The following MORC1 variants were observed in gnomAD, a reference collection of about 807,000 sequenced individuals.
MORC1 encodes MORC family CW-type zinc finger 1, also known as MORC family CW-type zinc finger protein 1.
In MORC1, 59 loss-of-function variants were observed where a neutral mutation model predicts 134.9. The observed-to-expected ratio is 0.44, with a 90% CI of 0.35 to 0.54. The LOEUF is 0.54. Ranked by LOEUF, MORC1 falls within the 20% of genes least tolerant of loss-of-function variation. The pLI is 0.00. For synonymous variants in MORC1, 395 were observed against 391.7 expected, an observed-to-expected ratio of 1.01 and a Z score of -0.10; for missense variants, 947 against 1,134.5, an observed-to-expected ratio of 0.83 and a Z score of 2.37.
chr3:109,114,386 TGCATTGTCCA>T lies in MORC1; in HGVS notation c.107_116del (p.Leu36GlnfsTer34), dbSNP rs767623181. ...TGTTGTTTACAGATAAACCTTACCT[TGCATTGTCCA>T]GCAATTCAGCCAGTGCTCCAAAAAG... On this transcript the variant is annotated frameshift_variant, in exon 2 of 28. Transcript: ENST00000232603. LOFTEE classifies it high-confidence loss of function. 2 of 1,611,904 alleles carry T rather than the reference TGCATTGTCCA, an allele frequency of 1.2e-6. No homozygotes were observed. Among genetic ancestry groups the T allele is most frequent in the South Asian group, 2.2e-5 (2 of 90,906 alleles).
At chr3:109,007,123 G>A (rs1231740779) in intron 17 of MORC1, 32 bp from the exon 18 acceptor site, 2 of 1,569,866 alleles carry the variant, frequency 1.3e-6, no homozygotes, top group African/African-American at 1.4e-5. Flanking sequence ...TAAGGCAAAT[G>A]TAAGTAAAAA....
At chr3:109,073,814 A>G (rs1366092920) in intron 8 of MORC1, among the ~76,000 whole-genome samples, 1 of 152,194 alleles carries the variant, frequency 6.6e-6, no homozygotes, top group African/African-American at 2.4e-5. Context: ...GTGCATAAAG[A>G]TTTTTAACTA....
chr3:109,011,389 T>A (rs367575065), intron 17 of MORC1, among the ~76,000 whole-genome samples: 30 of 152,342 alleles, frequency 2.0e-4, no homozygotes, highest in African/African-American at 7.2e-4. Context: ...TAATTTGCAG[T>A]TCCCTTAATG....
rs1368514317 is a variant in MORC1 at position 109,110,796 on chromosome 3, C to T, written c.120-13G>A. The T allele has an allele frequency of 1.1e-5, 17 of 1,576,140 alleles. No individual in the cohort carries two copies. The highest frequency in any genetic ancestry group is 2.4e-5 in the South Asian group (2 of 84,620). ...AGCCCCTGCATCTCTGGAAACAATACAAAAATATTATTTCTTCAATATGAA... is the reference window on the plus strand; with the variant it reads ...AGCCCCTGCATCTCTGGAAACAATATAAAAATATTATTTCTTCAATATGAA... On this transcript the variant is annotated splice_polypyrimidine_tract_variant and intron_variant, in intron 2 of 27. Coordinates refer to ENST00000232603, the MANE Select transcript of MORC1 (RefSeq NM_014429.4).
intron 17 of MORC1, among the ~76,000 whole-genome samples, chr3:109,012,001 T>C (rs1452924635): frequency 6.6e-6 from 1 of 152,246 alleles, no homozygotes; most frequent in Non-Finnish European, 1.5e-5. Context: ...AGATCATGCA[T>C]TATGTGTCAT....
chr3:109,105,736 G>A (rs1386135657), intron 3 of MORC1, among the ~76,000 whole-genome samples: 1 of 150,814 alleles, frequency 6.6e-6, no homozygotes, highest in East Asian at 1.9e-4. Flanking sequence ...TAAGTTTCAA[G>A]ACAGCCCATG....
chr3:109,092,577 A>G (rs1192683409), intron 8 of MORC1, among the ~76,000 whole-genome samples: 2 of 152,322 alleles, frequency 1.3e-5, no homozygotes, highest in Admixed American at 1.3e-4. Flanking sequence ...TTAAAAAAAA[A>G]TACAAAATAT....
Position 109,027,851 on chromosome 3 carries a change from C to T in MORC1, c.1604G>A (p.Gly535Asp), listed in dbSNP as rs754111210. The T allele has an allele frequency of 3.7e-6, 6 of 1,613,570 alleles. No homozygotes were observed. The highest frequency in any genetic ancestry group is 1.7e-4 in the Middle Eastern group (1 of 6,056). Residue 535 changes from glycine to aspartate, a missense_variant, in exon 17 of 28, where the codon GGC becomes GAC. Coordinates refer to ENST00000232603, the MANE Select transcript of MORC1 (RefSeq NM_014429.4). ...TGATGGTGATATTGTGCTCATGGTG[C>T]CCAGTGGGATGGAAGGTAGACATTC... is the stretch of plus-strand genomic sequence containing the variant. Reference protein sequence around the residue: ...QVECLPSIPLGTMSTISPSKN... With the variant: ...QVECLPSIPLDTMSTISPSKN...
intron 9 of MORC1, among the ~76,000 whole-genome samples, chr3:109,069,323 C>T (rs4855577): frequency 0.48 from 72,434 of 152,062 alleles, 20,381 homozygotes; most frequent in East Asian, 0.9. Context: ...AGAAGATATA[C>T]GTGAACTGTG....
In MORC1 at chr3:109,066,588, G is replaced by T. The variant is rs72935367; in HGVS notation, c.815+3044C>A. Among the ~76,000 whole-genome samples, 983 of 152,216 alleles carry T rather than the reference G, an allele frequency of 6.5e-3. 9 individuals are homozygous for T. The highest frequency in any genetic ancestry group is 0.044 in the Middle Eastern group (13 of 294). ...GGCGTGAGCCACTGCACCCAGCCCAGGAATTTTCTCTTTTTGCTTTTGCCA... is the reference window on the plus strand; with the variant it reads ...GGCGTGAGCCACTGCACCCAGCCCATGAATTTTCTCTTTTTGCTTTTGCCA... On this transcript the variant is annotated intron_variant, in intron 9 of 27. Transcript: ENST00000232603.
intron 8 of MORC1, among the ~76,000 whole-genome samples, chr3:109,086,291 A>G (rs764259551): frequency 1.3e-5 from 2 of 152,090 alleles, no homozygotes; most frequent in Non-Finnish European, 2.9e-5. Context: ...GAATATCCCA[A>G]TTACCTCTAT....
chr3:109,067,060 T>C (rs915047094), intron 9 of MORC1, among the ~76,000 whole-genome samples: 6 of 152,162 alleles, frequency 3.9e-5, no homozygotes, highest in African/African-American at 1.4e-4. Flanking sequence ...AAATAATGAA[T>C]TCTGTTTCAG....
Position 108,963,571 on chromosome 3 carries a change from A to T in MORC1, c.2642T>A (p.Ile881Lys), listed in dbSNP as rs958685037. The change falls in exon 27 of 28, where the codon ATA (isoleucine) becomes AAA (lysine). Residue 881 changes from isoleucine to lysine, a missense_variant. Around this residue, in one of 3 missense-constraint regions of MORC1, gnomAD observed 722 missense variants for 817.0 expected, o/e 0.88. Coordinates refer to ENST00000232603, the MANE Select transcript of MORC1 (RefSeq NM_014429.4). ...NTYMVQYEKK[I>K]KRKLQSIIYD... ...GATAATGGACTGCAATTTCCTCTTT[A>T]TTTTTTTTTCATATTGGACCATGTA... The T allele has an allele frequency of 6.4e-7, 1 of 1,566,054 alleles. No homozygotes were observed. Among genetic ancestry groups the T allele is most frequent in the African/African-American group, 1.4e-5 (1 of 72,258 alleles).
intron 26 of MORC1, among the ~76,000 whole-genome samples, chr3:108,966,991 G>C (rs572556018): frequency 6.6e-6 from 1 of 152,298 alleles, no homozygotes; most frequent in East Asian, 1.9e-4. Flanking sequence ...GACCAAAGAA[G>C]CCAGTGACTT....
At chr3:108,960,838 T>A (rs749079947) in intron 27 of MORC1, among the ~76,000 whole-genome samples, 3 of 152,222 alleles carry the variant, frequency 2.0e-5, no homozygotes, top group Non-Finnish European at 2.9e-5. Flanking sequence ...GTAAAGGGCA[T>A]CCATTTTTCT....
chr3:109,076,506 T>TAC (rs1189859359), intron 8 of MORC1, among the ~76,000 whole-genome samples: 2 of 152,190 alleles, frequency 1.3e-5, no homozygotes, highest in African/African-American at 4.8e-5. Context: ...TAAATTATAC[T>TAC]ACTATAAAGA....
intron 17 of MORC1, among the ~76,000 whole-genome samples, chr3:109,022,464 T>C (rs906558995): frequency 2.0e-5 from 3 of 152,254 alleles, no homozygotes; most frequent in African/African-American, 7.2e-5. Flanking sequence ...CATTTCTGTC[T>C]GTATGTGTGT....
At chr3:109,099,214 T>C (rs1950881137) in intron 6 of MORC1, 144 bp downstream of exon 6, 1 of 591,032 alleles carries the variant, frequency 1.7e-6, no homozygotes, top group African/African-American at 1.9e-5. Context: ...CAGAATGTCT[T>C]GATACCTTCT....
intron 20 of MORC1, among the ~76,000 whole-genome samples, chr3:109,002,614 C>A (rs867076927): frequency 1.3e-5 from 2 of 152,152 alleles, no homozygotes; most frequent in African/African-American, 4.8e-5. Context: ...AAGAAAGAGT[C>A]CCAGGCTCAA....
Sources: allele counts gnomAD v4.1 joint callset (sites outside exome capture counted in the v4.1 genomes callset), GRCh38; gene constraint gnomAD v4.1.1; regional missense constraint gnomAD v4.1.1; transcripts MANE v1.5; gene names NCBI Gene and HGNC (gene_info 2026-07-23, HGNC 2026-07-21).